Variants in TBC1D9 observed in about 807,000 individuals in gnomAD.
TBC1D9 encodes the protein TBC1 domain family member 9, also known as TBC1 domain family member 9A.
In TBC1D9, 63 loss-of-function variants were observed where a neutral mutation model predicts 132.0. The observed-to-expected ratio is 0.48, with a 90% CI of 0.39 to 0.59. TBC1D9 has a LOEUF of 0.59. TBC1D9 is among the 20% of genes least tolerant of loss of function. The pLI, the probability that TBC1D9 is intolerant of heterozygous loss-of-function variation, is 0.00. For synonymous variants in TBC1D9, 610 were observed against 609.9 expected (o/e 1.00, Z 0.00); for missense variants, 1,261 against 1,592.7 (o/e 0.79, Z 3.54).
At position 140,640,369 on chromosome 4, in the gene TBC1D9, C is replaced by T. The variant is rs560102958; in HGVS notation, c.2338-941G>A. ...AACAGTCAACTCTGCATTTGTCTGG[C>T]GCTCAGTAAATCTGCACTTTACATA... On this transcript the variant is annotated intron_variant, in intron 13 of 20. Coordinates refer to ENST00000442267, the MANE Select transcript of TBC1D9 (RefSeq NM_015130.3). Among the ~76,000 whole-genome samples the T allele has an allele frequency of 1.4e-4, 20 of 144,600 alleles. No individual in the cohort carries two copies. The South Asian group carries it at 3.0e-3, about 22-fold the overall frequency. The allele number at this position is 144,600 out of a possible 152,430, so 94.9% of individuals were successfully genotyped here. A position where few individuals can be genotyped will look rare whatever the true frequency, so the allele number is the denominator to read the frequency against.
intron 9 of TBC1D9, among the ~76,000 whole-genome samples, chr4:140,667,910 T>C (rs762012153): frequency 1.3e-5 from 2 of 152,214 alleles, no homozygotes; most frequent in Non-Finnish European, 2.9e-5. Flanking sequence ...CAAAGAGCTA[T>C]AGGTTTTTTT....
intron 2 of TBC1D9, 26 bp downstream of exon 2, chr4:140,701,478 G>T: frequency 6.4e-7 from 1 of 1,567,904 alleles, no homozygotes; most frequent in Non-Finnish European, 8.8e-7. Flanking sequence ...TTTAAAACTT[G>T]TGTATTTCTG....
intron 13 of TBC1D9, among the ~76,000 whole-genome samples, chr4:140,645,862 C>G (rs907843648): frequency 1.3e-5 from 2 of 152,218 alleles, no homozygotes; most frequent in African/African-American, 4.8e-5. Flanking sequence ...TCTCAGACAG[C>G]ACTGTATTCG....
chr4:140,738,295 C>G (rs895794044), intron 1 of TBC1D9, among the ~76,000 whole-genome samples: 1 of 152,220 alleles, frequency 6.6e-6, no homozygotes, highest in Non-Finnish European at 1.5e-5. Context: ...TGTAATTTCA[C>G]ATGCTTACTT....
rs1411616246 is a variant in TBC1D9, at chr4:140,622,691, C to A, written c.3305G>T (p.Gly1102Val). 3 of 1,611,416 alleles carry A rather than the reference C, an allele frequency of 1.9e-6. No homozygotes were observed. The Admixed American group carries it at 5.0e-5, about 27-fold the overall frequency. ...PGVLFPKKGP[G>V]QPYVVESVEP... ...AACAGACTCCACCACGTAAGGCTGG[C>A]CTGGCCCTTTCTTGGGGAAGAGCAC... is the stretch of plus-strand genomic sequence containing the variant. The change falls in exon 21 of 21, where the codon GGC becomes GTC. Residue 1102 changes from glycine to valine, a missense_variant. By Grantham distance (109) the Gly-to-Val change is moderately radical. Coordinates refer to ENST00000442267, the MANE Select transcript of TBC1D9 (RefSeq NM_015130.3).
At chr4:140,711,675 A>G (rs968342219) in intron 1 of TBC1D9, among the ~76,000 whole-genome samples, 34 of 152,232 alleles carry the variant, frequency 2.2e-4, no homozygotes, top group African/African-American at 8.2e-4. Flanking sequence ...ATTATAGTAC[A>G]TTGATATAAT....
At chr4:140,689,647 C>G (rs1314734030) in intron 2 of TBC1D9, among the ~76,000 whole-genome samples, 1 of 29,686 alleles carries the variant, frequency 3.4e-5, no homozygotes, top group Non-Finnish European at 7.8e-5. Context: ...CCCTCTCCCC[C>G]CCTCTCCCCT....
intron 9 of TBC1D9, among the ~76,000 whole-genome samples, chr4:140,667,287 G>A (rs1737463000): frequency 6.6e-6 from 1 of 152,130 alleles, no homozygotes; most frequent in East Asian, 1.9e-4. Context: ...GGAAACACTG[G>A]GTCTAACTCT....
chr4:140,667,363 T>G (rs1469608240), intron 9 of TBC1D9, among the ~76,000 whole-genome samples: 1 of 152,234 alleles, frequency 6.6e-6, no homozygotes, highest in Non-Finnish European at 1.5e-5. Context: ...GTACTCGTTT[T>G]GAGTTTCATT....
chr4:140,689,384 T>C (rs1170844068), intron 2 of TBC1D9, among the ~76,000 whole-genome samples: 1 of 150,210 alleles, frequency 6.7e-6, no homozygotes, highest in African/African-American at 2.4e-5. Context: ...AAGCTTCCCT[T>C]CCTCCTTCCT....
At chr4:140,737,465 T>A (rs111365241) in intron 1 of TBC1D9, among the ~76,000 whole-genome samples, 9,439 of 131,236 alleles carry the variant, frequency 0.072, 481 homozygotes, top group African/African-American at 0.16. Context: ...TCTCTCTCTC[T>A]CACACACACA....
chr4:140,740,778 C>T (rs1233744391), intron 1 of TBC1D9, among the ~76,000 whole-genome samples: 2 of 152,198 alleles, frequency 1.3e-5, no homozygotes, highest in Admixed American at 1.3e-4. Flanking sequence ...ATACCTCAAT[C>T]ACTCATTTTG....
At chr4:140,710,714 G>A (rs1372605806) in intron 1 of TBC1D9, among the ~76,000 whole-genome samples, 1 of 152,090 alleles carries the variant, frequency 6.6e-6, no homozygotes, top group Non-Finnish European at 1.5e-5. Context: ...CAGTTGGAAT[G>A]GATTTTTCCT....
intron 3 of TBC1D9, among the ~76,000 whole-genome samples, chr4:140,684,255 A>T (rs1737747976): frequency 6.7e-6 from 1 of 149,926 alleles, no homozygotes; most frequent in Non-Finnish European, 1.5e-5. Context: ...AAAAAAAAAA[A>T]GTTAAGAAAA....
intron 13 of TBC1D9, among the ~76,000 whole-genome samples, chr4:140,653,638 A>G (rs1737220358): frequency 6.6e-6 from 1 of 152,236 alleles, no homozygotes; most frequent in African/African-American, 2.4e-5. Flanking sequence ...GGAGGGAAAA[A>G]AACAATCAGC....
chr4:140,736,479 G>A (rs2111073348), intron 1 of TBC1D9, among the ~76,000 whole-genome samples: 1 of 152,144 alleles, frequency 6.6e-6, no homozygotes, highest in East Asian at 1.9e-4. Context: ...AGGCAGAGGT[G>A]CAGTGAGCCA....
intron 9 of TBC1D9, among the ~76,000 whole-genome samples, chr4:140,663,618 C>T (rs747091564): frequency 3.9e-5 from 6 of 151,924 alleles, no homozygotes; most frequent in Admixed American, 1.3e-4. Context: ...TTCACAATAG[C>T]CAAGATATAG....
chr4:140,668,495 A>G (rs912066398), intron 9 of TBC1D9, among the ~76,000 whole-genome samples: 2 of 152,006 alleles, frequency 1.3e-5, no homozygotes, highest in African/African-American at 2.4e-5. Flanking sequence ...TATTCCTCTT[A>G]TTTCTTTCCT....
intron 1 of TBC1D9, among the ~76,000 whole-genome samples, chr4:140,743,075 G>A (rs1244256106): frequency 5.3e-5 from 8 of 152,080 alleles, no homozygotes; most frequent in Admixed American, 2.6e-4. Context: ...AAGGAGTTAC[G>A]TAGAAACAAT....
Sources: gnomAD v4.1 joint callset for allele counts (sites outside exome capture counted in the v4.1 genomes callset) on GRCh38, gnomAD v4.1.1 for gene constraint, MANE v1.5 for transcripts, NCBI Gene and HGNC (gene_info 2026-07-23, HGNC 2026-07-21) for gene names.